The following CTSO variants were observed in gnomAD, a reference collection of about 807,000 sequenced individuals.
CTSO encodes the protein cathepsin O.
A neutral mutation model predicts 42.4 loss-of-function variants in CTSO; 40 were observed. The ratio of observed to expected loss-of-function variants is 0.94; its 90% confidence interval spans 0.73 to 1.23. The LOEUF (loss-of-function observed/expected upper bound fraction) is 1.23. CTSO is among the 50% of genes most tolerant of loss of function. The pLI is 0.00. For synonymous variants in CTSO, 156 were observed against 146.2 expected (o/e 1.07, Z -0.48); for missense variants, 441 against 396.0 (o/e 1.11, Z -0.96).
chr4:155,925,860 G>T lies in CTSO; in HGVS notation c.*176C>A. The T allele has an allele frequency of 1.7e-6, 1 of 604,020 alleles. No individual in the cohort carries two copies. The highest frequency in any genetic ancestry group is 2.8e-6 in the Non-Finnish European group (1 of 351,130). 37.4% of individuals were successfully genotyped at this position (604,020 alleles called of 1,614,324 possible). ...GGAGTTTGTCCCACTGACTTTGGTT[G>T]TCCATCTCTCTACAAGAAGGGAACA... is the stretch of plus-strand genomic sequence containing the variant. On this transcript the variant is annotated 3_prime_UTR_variant, in exon 8 of 8. Transcript: ENST00000433477.
rs376261835 is a variant in CTSO at position 155,937,373 on chromosome 4, T to G, written c.663A>C (p.Ala221=). 2 of 1,606,364 alleles carry G rather than the reference T, an allele frequency of 1.2e-6. No homozygotes were observed. ...HSGFSIKGYS[A]YDFSDQEDEM... ...AATAAGATCTTTACCTGAAGTCATATGCAGAATAACCTTTGATTGAAAATC... is the reference window on the plus strand; with the variant it reads ...AATAAGATCTTTACCTGAAGTCATAGGCAGAATAACCTTTGATTGAAAATC... The change falls in exon 5 of 8, where the codon GCA becomes GCC. Residue 221 remains alanine (A), a synonymous_variant. Coordinates refer to ENST00000433477, the MANE Select transcript of CTSO (RefSeq NM_001334.3).
intron 5 of CTSO, among the ~76,000 whole-genome samples, chr4:155,935,128 C>T (rs1001715257): frequency 6.6e-6 from 1 of 152,130 alleles, no homozygotes; most frequent in African/African-American, 2.4e-5. Flanking sequence ...GTGAATAAGT[C>T]TCACAAGATC....
At chr4:155,942,511 A>ATT (rs1405602418) in intron 2 of CTSO, 55 bp from the exon 3 acceptor site, 1 of 788,774 alleles carries the variant, frequency 1.3e-6, no homozygotes, top group Non-Finnish European at 1.7e-6. Flanking sequence ...AATATATTAT[A>ATT]TTATATATAT....
chr4:155,949,378 A>G (rs969881707), intron 1 of CTSO, among the ~76,000 whole-genome samples: 1 of 152,162 alleles, frequency 6.6e-6, no homozygotes, highest in African/African-American at 2.4e-5. Flanking sequence ...TTCCCCATTG[A>G]TATCTAGGTT....
intron 2 of CTSO, 55 bp downstream of exon 2, chr4:155,943,101 T>C: frequency 2.0e-6 from 2 of 1,014,828 alleles, no homozygotes; most frequent in East Asian, 4.8e-5. Flanking sequence ...TTATCAAAAG[T>C]TAAGCAAGCA....
intron 4 of CTSO, among the ~76,000 whole-genome samples, chr4:155,938,916 C>T (rs1743378275): frequency 6.6e-6 from 1 of 152,032 alleles, no homozygotes; most frequent in Non-Finnish European, 1.5e-5. Flanking sequence ...AAGATTGTGC[C>T]ACTGTACTCC....
At chr4:155,929,223 T>A (rs1743187231) in intron 6 of CTSO, among the ~76,000 whole-genome samples, 1 of 152,228 alleles carries the variant, frequency 6.6e-6, no homozygotes, top group Non-Finnish European at 1.5e-5. Flanking sequence ...TGCTTATCCC[T>A]GGCTTGCTGT....
At chr4:155,953,571 G>C (rs1743715980) in intron 1 of CTSO, 142 bp downstream of exon 1, 1 of 1,051,590 alleles carries the variant, frequency 9.5e-7, no homozygotes, top group South Asian at 4.9e-5. Flanking sequence ...TTTTGCACCC[G>C]CAGCTCAGGG....
chr4:155,947,282 T>C (rs770574848), intron 1 of CTSO, among the ~76,000 whole-genome samples: 1 of 152,216 alleles, frequency 6.6e-6, no homozygotes, highest in Admixed American at 6.5e-5. Flanking sequence ...TGGAAGAATG[T>C]AAGGATGAAA....
chr4:155,953,630 T>G, intron 1 of CTSO, 83 bp downstream of exon 1: 5 of 1,226,694 alleles, frequency 4.1e-6, no homozygotes, highest in Non-Finnish European at 5.1e-6. Flanking sequence ...GGGTCAGCTC[T>G]CGGGGGCCCT....
chr4:155,947,805 T>C (rs1168412331), intron 1 of CTSO, among the ~76,000 whole-genome samples: 6 of 152,184 alleles, frequency 3.9e-5, no homozygotes, highest in Admixed American at 2.6e-4. Flanking sequence ...TGGGCACATG[T>C]TCTCAACAGA....
intron 3 of CTSO, 79 bp from the exon 4 acceptor site, chr4:155,939,617 C>A: frequency 7.7e-7 from 1 of 1,303,788 alleles, no homozygotes; most frequent in South Asian, 1.8e-5. Flanking sequence ...AACAAGTTAT[C>A]AAATCAAGTA....
intron 1 of CTSO, among the ~76,000 whole-genome samples, chr4:155,944,943 C>T (rs1743513573): frequency 7.2e-6 from 1 of 139,370 alleles, no homozygotes; most frequent in Non-Finnish European, 1.5e-5. Context: ...AGGAATTGCT[C>T]CTGTGATTGA....
intron 1 of CTSO, among the ~76,000 whole-genome samples, chr4:155,944,625 T>C (rs1295012410): frequency 6.6e-6 from 1 of 152,098 alleles, no homozygotes; most frequent in Admixed American, 6.5e-5. Flanking sequence ...CCAGCCTTCT[T>C]TCTATAGGGA....
intron 4 of CTSO, among the ~76,000 whole-genome samples, chr4:155,937,700 C>T (rs770407250): frequency 1.3e-5 from 2 of 152,030 alleles, no homozygotes; most frequent in Non-Finnish European, 2.9e-5. Context: ...CTGCAATCTC[C>T]ACCTCCTGGG....
chr4:155,937,421 A>C lies in CTSO; in HGVS notation c.615T>G (p.His205Gln). The C allele has an allele frequency of 6.2e-7, 1 of 1,613,004 alleles. No individual in the cohort carries two copies. The highest frequency in any genetic ancestry group is 1.1e-5 in the South Asian group (1 of 91,022). The change falls in exon 5 of 8, where the codon CAT becomes CAG. Residue 205 changes from histidine (H) to glutamine (Q), a missense_variant. Physicochemically the swap from His to Gln is conservative, Grantham distance 24. Transcript: ENST00000433477. ...YPFKAQNGLC[H>Q]YFSGSHSGFS... ...ATCCAGAATGTGAACCAGAAAAGTA[A>C]TGGCACAGACCATTTTGTGCTTTAA...
chr4:155,947,802 A>G (rs1230638135), intron 1 of CTSO, among the ~76,000 whole-genome samples: 1 of 152,214 alleles, frequency 6.6e-6, no homozygotes, highest in African/African-American at 2.4e-5. Context: ...CAGTGGGCAC[A>G]TGTTCTCAAC....
chr4:155,947,488 A>G (rs887889322), intron 1 of CTSO, among the ~76,000 whole-genome samples: 2 of 152,190 alleles, frequency 1.3e-5, no homozygotes, highest in African/African-American at 4.8e-5. Flanking sequence ...AATATTATCT[A>G]TTGAAAGCAA....
intron 1 of CTSO, among the ~76,000 whole-genome samples, chr4:155,947,959 T>A (rs1743577992): frequency 6.6e-6 from 1 of 152,202 alleles, no homozygotes; most frequent in African/African-American, 2.4e-5. Flanking sequence ...TTGATACTTT[T>A]GAAAAGTGCA....
Sources: allele counts gnomAD v4.1 joint callset (sites outside exome capture counted in the v4.1 genomes callset), GRCh38; gene constraint gnomAD v4.1.1; transcripts MANE v1.5; gene names NCBI Gene and HGNC (gene_info 2026-07-23, HGNC 2026-07-21).